The following MAP4 variants were observed in gnomAD, a reference collection of about 807,000 sequenced individuals.
The protein encoded by MAP4 is microtubule associated protein 4.
MAP4 carries 76 observed loss-of-function variants against 170.2 expected under a neutral mutation model. The ratio of observed to expected loss-of-function variants is 0.45; its 90% CI spans 0.37 to 0.54. The LOEUF is 0.54. MAP4 is among the 20% of genes least tolerant of loss of function. The pLI, the probability that MAP4 is intolerant of heterozygous loss-of-function variation, is 0.00. For missense variants in MAP4, 2,506 were observed against 2,748.0 expected (o/e 0.91, Z 1.97); for synonymous variants, 909 against 994.5 (o/e 0.91, Z 1.62).
chr3:48,071,165 T>C (rs530510207), intron 1 of MAP4, among the ~76,000 whole-genome samples: 1 of 152,306 alleles, frequency 6.6e-6, no homozygotes, highest in South Asian at 2.1e-4. Context: ...GCCCTTTAAC[T>C]GCAAATGGTT....
At chr3:47,991,576 C>T (rs1397811156) in intron 2 of MAP4, among the ~76,000 whole-genome samples, 1 of 152,130 alleles carries the variant, frequency 6.6e-6, no homozygotes, top group Non-Finnish European at 1.5e-5. Flanking sequence ...GCAGGAGGAA[C>T]GTTTGAGCCC....
At chr3:48,071,857 T>A (rs540926760) in intron 1 of MAP4, among the ~76,000 whole-genome samples, 51 of 151,142 alleles carry the variant, frequency 3.4e-4, no homozygotes, top group Non-Finnish European at 6.5e-4. Flanking sequence ...CGAGCCAAGA[T>A]CGCGCCACTT....
chr3:48,067,269 T>C (rs1294068088), intron 1 of MAP4, among the ~76,000 whole-genome samples: 1 of 151,930 alleles, frequency 6.6e-6, no homozygotes, highest in African/African-American at 2.4e-5. Context: ...CATTTTACAG[T>C]AGAGGGGAAA....
intron 12 of MAP4, among the ~76,000 whole-genome samples, chr3:47,872,961 C>T (rs2093934512): frequency 6.6e-6 from 1 of 152,210 alleles, no homozygotes; most frequent in Admixed American, 6.5e-5. Flanking sequence ...ATGGAGAGGC[C>T]ACTGGCCAAA....
intron 1 of MAP4, among the ~76,000 whole-genome samples, chr3:48,059,878 G>C (rs1194506440): frequency 6.6e-6 from 1 of 151,912 alleles, no homozygotes. Flanking sequence ...AACTCAGGAG[G>C]CTGAGGCAGG....
At chr3:48,081,509 CTA>C (rs756834335) in intron 1 of MAP4, among the ~76,000 whole-genome samples, 1 of 151,860 alleles carries the variant, frequency 6.6e-6, no homozygotes, top group African/African-American at 2.4e-5. Flanking sequence ...ACAATTAAGA[CTA>C]TTTTTTACTT....
In MAP4 at chr3:48,066,945, A is replaced by G. The variant is rs1254742474; in HGVS notation, c.-20+21828T>C. Among the ~76,000 whole-genome samples the G allele has an allele frequency of 2.2e-5, 3 of 135,468 alleles. No homozygotes were observed. In the East Asian group the frequency reaches 7.1e-4, roughly 32 times the overall value. The allele number at this position is 135,468 out of a possible 152,430, so 88.9% of individuals were successfully genotyped here. On this transcript the variant is annotated intron_variant, in intron 1 of 18. Transcript: ENST00000360240. ...AAGCTCCGCCTCCCAGGTTCACACC[A>G]TTCTCCTGCCTCAGCCTCCTGAGCA...
chr3:47,858,980 AT>A (rs1157351066), intron 17 of MAP4, among the ~76,000 whole-genome samples: 2 of 152,002 alleles, frequency 1.3e-5, no homozygotes, highest in African/African-American at 4.8e-5. Context: ...TACAAAAAAA[AT>A]TAGCCGGGCG....
At chr3:48,083,072 C>G (rs114033177) in intron 1 of MAP4, among the ~76,000 whole-genome samples, 1 of 152,212 alleles carries the variant, frequency 6.6e-6, no homozygotes, top group Non-Finnish European at 1.5e-5. Flanking sequence ...ATTGTGACAT[C>G]TAAATGCAAT....
chr3:47,916,942 G>T lies in MAP4; in HGVS notation c.885C>A (p.Ser295=), dbSNP rs2100039855. 2 of 1,614,066 alleles carry T rather than the reference G, an allele frequency of 1.2e-6. No individual in the cohort carries two copies. Among genetic ancestry groups the T allele is most frequent in the Admixed American group, 3.3e-5 (2 of 60,002 alleles). The change falls in exon 7 of 21, where the codon TCC becomes TCA. Residue 295 remains serine, a synonymous_variant. Transcript: ENST00000683076. Reference sequence around the variant, plus strand: ...TGACTAGGGCCATATCTGATTCCATGGATGGCTGCATGTCCTTGGCCAGTG... The same window carrying T: ...TGACTAGGGCCATATCTGATTCCATTGATGGCTGCATGTCCTTGGCCAGTG... ...DVTLAKDMQP[S]MESDMALVKD...
rs779650238 is a variant in MAP4, at chr3:47,918,823, G to A, written c.548C>T (p.Thr183Ile). The A allele has an allele frequency of 2.4e-5, 39 of 1,612,992 alleles. No individual in the cohort carries two copies. The highest frequency in any genetic ancestry group is 3.2e-5 in the Non-Finnish European group (38 of 1,179,094). The change falls in exon 6 of 21, where the codon ACA (threonine) becomes ATA (isoleucine). Residue 183 changes from threonine to isoleucine, a missense_variant. Thr to Ile is a moderately conservative substitution (Grantham distance 89, BLOSUM62 -1). Transcript: ENST00000683076. Reference sequence around the variant, plus strand: ...AGACCACCCCTGAGGTACAACAGCTGTGTTGCAGGGAGACATACCTAATAT... The same window carrying A: ...AGACCACCCCTGAGGTACAACAGCTATGTTGCAGGGAGACATACCTAATAT... ...KDSYGMSPCN[T>I]AVVPQGWSVE...
At chr3:48,015,169 A>C (rs1451925800) in intron 1 of MAP4, among the ~76,000 whole-genome samples, 2 of 151,834 alleles carry the variant, frequency 1.3e-5, no homozygotes, top group African/African-American at 4.8e-5. Context: ...AATCATTTTG[A>C]GTTCCAAACA....
intron 10 of MAP4, chr3:47,890,889 G>A (rs2100023551): frequency 1.5e-6 from 1 of 688,340 alleles, no homozygotes; most frequent in African/African-American, 1.8e-5. Flanking sequence ...TCCAACACAA[G>A]GGAATTAAGC....
intron 3 of MAP4, among the ~76,000 whole-genome samples, chr3:47,976,938 G>A (rs1245380923): frequency 6.6e-6 from 1 of 152,198 alleles, no homozygotes; most frequent in African/African-American, 2.4e-5. Flanking sequence ...CTTAGAAAAA[G>A]AGAAATACTG....
intron 1 of MAP4, among the ~76,000 whole-genome samples, chr3:48,078,727 C>A (rs558508815): frequency 1.3e-4 from 20 of 152,180 alleles, no homozygotes; most frequent in African/African-American, 4.8e-4. Context: ...ACACTCACTA[C>A]CCAAATTCAA....
chr3:47,922,405 C>T (rs1330904127), intron 4 of MAP4, among the ~76,000 whole-genome samples: 2 of 152,026 alleles, frequency 1.3e-5, no homozygotes, highest in Non-Finnish European at 2.9e-5. Context: ...TGGTTATGTA[C>T]ATCAGATAGC....
chr3:47,884,810 T>C (rs1032009002), intron 10 of MAP4, among the ~76,000 whole-genome samples: 1 of 152,062 alleles, frequency 6.6e-6, no homozygotes, highest in Non-Finnish European at 1.5e-5. Flanking sequence ...GGGAAGGAAG[T>C]AGAGGTTCTG....
At chr3:48,056,387 A>G (rs1341633337) in intron 1 of MAP4, among the ~76,000 whole-genome samples, 50 of 24,544 alleles carry the variant, frequency 2.0e-3, no homozygotes, top group Admixed American at 3.4e-3. Context: ...CGGGAGGGAG[A>G]TGGGGGGGTC....
chr3:48,055,573 G>T (rs1196810367), intron 1 of MAP4, among the ~76,000 whole-genome samples: 1 of 138,346 alleles, frequency 7.2e-6, no homozygotes, highest in African/African-American at 2.7e-5. Flanking sequence ...CCTCCCAGCC[G>T]CCTGCCTTGG....
Sources: gnomAD v4.1 joint callset for allele counts (sites outside exome capture counted in the v4.1 genomes callset) on GRCh38, gnomAD v4.1.1 for gene constraint, MANE v1.5 for transcripts, NCBI Gene and HGNC (gene_info 2026-07-23, HGNC 2026-07-21) for gene names.